PLEKHA7: variants seen among roughly 807,000 people sequenced by gnomAD.
The protein encoded by PLEKHA7 is pleckstrin homology domain containing A7, also known as pleckstrin homology domain-containing family A member 7.
In PLEKHA7, 104 loss-of-function variants were observed where a neutral mutation model predicts 170.0. The ratio of observed to expected loss-of-function variants is 0.61; its 90% confidence interval spans 0.52 to 0.72. PLEKHA7 has a LOEUF of 0.72. Among genes scored for constraint, PLEKHA7 ranks in the 30% least tolerant of loss-of-function variants. The pLI is 0.00. For missense variants in PLEKHA7, 1,615 were observed against 1,671.7 expected, an observed-to-expected ratio of 0.97 and a Z score of 0.59; for synonymous variants, 648 against 660.8, an observed-to-expected ratio of 0.98 and a Z score of 0.30.
chr11:16,803,448 C>T (rs977798617), intron 13 of PLEKHA7, 153 bp from the exon 14 acceptor site: 11 of 708,146 alleles, frequency 1.6e-5, no homozygotes, highest in African/African-American at 1.2e-4. Context: ...GGCCATACTT[C>T]GCTATTTCTA....
intron 9 of PLEKHA7, among the ~76,000 whole-genome samples, chr11:16,839,486 C>T (rs1851787514): frequency 6.7e-6 from 1 of 150,248 alleles, no homozygotes; most frequent in Admixed American, 6.7e-5. Context: ...TATATATACA[C>T]ACAGACATAT....
intron 3 of PLEKHA7, among the ~76,000 whole-genome samples, chr11:16,885,791 C>A (rs1049850372): frequency 2.0e-4 from 31 of 151,670 alleles, no homozygotes; most frequent in African/African-American, 7.0e-4. Context: ...GTCAGGAGTT[C>A]GAGACCAGCC....
intron 3 of PLEKHA7, among the ~76,000 whole-genome samples, chr11:16,917,037 A>C (rs1316205489): frequency 6.6e-6 from 1 of 152,040 alleles, no homozygotes; most frequent in East Asian, 1.9e-4. Flanking sequence ...TGGCCAACAC[A>C]GTGAAACCCT....
chr11:16,855,113 T>A (rs762573786), intron 5 of PLEKHA7, 120 bp from the exon 6 acceptor site: 5 of 755,600 alleles, frequency 6.6e-6, no homozygotes, highest in Non-Finnish European at 1.1e-5. Flanking sequence ...CACCCTTTGA[T>A]CAAATGAACA....
chr11:16,845,293 C>A (rs1374545198), intron 8 of PLEKHA7, among the ~76,000 whole-genome samples: 1 of 152,152 alleles, frequency 6.6e-6, no homozygotes, highest in African/African-American at 2.4e-5. Flanking sequence ...CCTTGCAGAT[C>A]ATATAGGGTT....
Position 16,816,260 on chromosome 11 carries a change from G to T in PLEKHA7, c.1871C>A (p.Ser624Ter). 1 of 1,612,364 alleles carries T rather than the reference G, an allele frequency of 6.2e-7. No individual in the cohort carries two copies. The highest frequency in any genetic ancestry group is 1.1e-5 in the South Asian group (1 of 91,028). The change falls in exon 12 of 27, where the codon TCA becomes TAA. Residue 624 changes from serine to a stop codon, truncating the protein, a stop_gained. Coordinates refer to ENST00000531066, the MANE Select transcript of PLEKHA7 (RefSeq NM_001329630.2). LOFTEE classifies it high-confidence loss of function. ...CATGGAGCGTCGGTCCACATGAGAT[G>T]AGTTCTGCAAGTGGGGAGACAAGAA... ...RRARGHAVKN[S>*]SHVDRRSMPS...
At chr11:16,799,319 T>G (rs1011388199) in intron 17 of PLEKHA7, among the ~76,000 whole-genome samples, 1 of 152,214 alleles carries the variant, frequency 6.6e-6, no homozygotes, top group East Asian at 1.9e-4. Flanking sequence ...ATTCTATGCA[T>G]GTGCATATTT....
chr11:16,924,667 G>A (rs1034539747), intron 3 of PLEKHA7, among the ~76,000 whole-genome samples: 2 of 152,092 alleles, frequency 1.3e-5, no homozygotes, highest in Non-Finnish European at 2.9e-5. Flanking sequence ...CAGTGCTGGT[G>A]CCTTGGGGGA....
chr11:16,802,397 G>A (rs1291619354), intron 15 of PLEKHA7, among the ~76,000 whole-genome samples: 1 of 152,120 alleles, frequency 6.6e-6, no homozygotes, highest in Non-Finnish European at 1.5e-5. Flanking sequence ...TGGGGTTCAG[G>A]GACCTGGGGT....
chr11:16,804,863 AAC>A (rs1183338494), intron 13 of PLEKHA7, among the ~76,000 whole-genome samples: 6 of 152,206 alleles, frequency 3.9e-5, no homozygotes, highest in African/African-American at 1.4e-4. Flanking sequence ...TCCACAAACA[AAC>A]AGACTGTGCT....
At chr11:16,999,213 T>C (rs1261245225) in intron 3 of PLEKHA7, among the ~76,000 whole-genome samples, 1 of 152,014 alleles carries the variant, frequency 6.6e-6, no homozygotes, top group Non-Finnish European at 1.5e-5. Context: ...TGCCACTGTC[T>C]GCCGGGACAC....
intron 3 of PLEKHA7, among the ~76,000 whole-genome samples, chr11:16,947,252 A>G (rs766418119): frequency 6.6e-6 from 1 of 152,198 alleles, no homozygotes; most frequent in Non-Finnish European, 1.5e-5. Context: ...GGGAATGTAA[A>G]TTCGTACAGC....
chr11:16,864,888 T>C (rs2135574269), intron 4 of PLEKHA7, among the ~76,000 whole-genome samples: 1 of 152,324 alleles, frequency 6.6e-6, no homozygotes, highest in East Asian at 1.9e-4. Flanking sequence ...GGTTGAAATT[T>C]GTATGCCTAT....
chr11:16,997,614 G>A (rs1864417849), intron 3 of PLEKHA7, among the ~76,000 whole-genome samples: 1 of 152,172 alleles, frequency 6.6e-6, no homozygotes, highest in African/African-American at 2.4e-5. Flanking sequence ...GCCTCAGCTA[G>A]CCTCTGAGCT....
chr11:16,853,844 C>T (rs557284849), intron 6 of PLEKHA7, among the ~76,000 whole-genome samples: 2 of 152,320 alleles, frequency 1.3e-5, no homozygotes, highest in African/African-American at 4.8e-5. Context: ...GGGGCCAGAG[C>T]TGCAGAAGAA....
rs994690244 is a variant in PLEKHA7, at chr11:16,973,902, T to C, written c.221+40087A>G. Among the ~76,000 whole-genome samples, 4 of 152,200 alleles carry C rather than the reference T, an allele frequency of 2.6e-5. No individual in the cohort carries two copies. In the South Asian group the frequency reaches 8.3e-4, roughly 32 times the overall value. On this transcript the variant is annotated intron_variant, in intron 3 of 26. Transcript: ENST00000531066. ...TCCTCCCTGTGGACCAGCCCAGTCCTGGACAGTCTTGGACACCCCCAGGAC... is the reference window on the plus strand; with the variant it reads ...TCCTCCCTGTGGACCAGCCCAGTCCCGGACAGTCTTGGACACCCCCAGGAC...
rs1403814472 is a variant in PLEKHA7 at position 16,817,318 on chromosome 11, G to A, written c.1348C>T (p.Pro450Ser). The change falls in exon 11 of 27, where the codon CCC (proline) becomes TCC (serine). Residue 450 changes from proline (P) to serine (S), a missense_variant. Physicochemically the swap from Pro to Ser is moderately conservative, Grantham distance 74. Coordinates refer to ENST00000531066, the MANE Select transcript of PLEKHA7 (RefSeq NM_001329630.2). This position sits in a 1 kb window ranked among gnomAD's most constrained non-coding sequence, Gnocchi z 4.4. ...RAQKGDSRSL[P>S]LDQTLPRQGP... ...TGGCGAGGAAGCGTCTGGTCCAAGG[G>A]AAGACTGAGGAGAAAGGGTAAGAAC... 3 of 1,605,278 alleles carry A rather than the reference G, an allele frequency of 1.9e-6. No individual in the cohort carries two copies. The highest frequency in any genetic ancestry group is 1.7e-4 in the Middle Eastern group (1 of 6,054).
At chr11:16,991,397 T>C (rs895376914) in intron 3 of PLEKHA7, among the ~76,000 whole-genome samples, 5 of 151,554 alleles carry the variant, frequency 3.3e-5, no homozygotes, top group Non-Finnish European at 1.5e-5. Context: ...GAAAACAAAT[T>C]GAAATATAAC....
chr11:16,900,850 A>C (rs7481629), intron 3 of PLEKHA7, among the ~76,000 whole-genome samples: 1 of 143,996 alleles, frequency 6.9e-6, no homozygotes, highest in Non-Finnish European at 1.5e-5. Context: ...ATGATTTTTT[A>C]TTTTTTTTTT....
Sources: gnomAD v4.1 joint callset for allele counts (sites outside exome capture counted in the v4.1 genomes callset) on GRCh38, gnomAD v4.1.1 for gene constraint, Gnocchi (gnomAD v3.1) non-coding constraint, MANE v1.5 for transcripts, NCBI Gene and HGNC (gene_info 2026-07-23, HGNC 2026-07-21) for gene names.